The following TENM2 variants were observed in gnomAD, a reference collection of about 807,000 sequenced individuals.
TENM2 encodes teneurin-2.
A neutral mutation model predicts 245.2 loss-of-function variants in TENM2; 52 were observed. That is an observed-to-expected ratio of 0.21 (90% CI 0.17 to 0.27). The LOEUF (loss-of-function observed/expected upper bound fraction) is 0.27. Among genes scored for constraint, TENM2 ranks in the 10% least tolerant of loss-of-function variants. The probability of loss-of-function intolerance (pLI) is 1.00; values close to 1 mark genes in which losing one functional copy is unlikely to be tolerated. For missense variants in TENM2, 3,046 were observed against 3,666.8 expected (o/e 0.83, Z 4.37); for synonymous variants, 1,363 against 1,438.9 (o/e 0.95, Z 1.19).
At chr5:167,989,732 A>T (rs1562021805) in intron 4 of TENM2, among the ~76,000 whole-genome samples, 1 of 152,182 alleles carries the variant, frequency 6.6e-6, no homozygotes, top group Non-Finnish European at 1.5e-5. Context: ...GTTGGGATTC[A>T]TTAAGCTATT....
At chr5:168,062,408 T>C in intron 7 of TENM2, 143 bp downstream of exon 9, 1 of 702,458 alleles carries the variant, frequency 1.4e-6, no homozygotes. Flanking sequence ...TTTGGAGAAA[T>C]AAGAACCCTT....
intron 6 of TENM2, among the ~76,000 whole-genome samples, chr5:168,050,407 A>G (rs1017946917): frequency 1.3e-5 from 2 of 152,212 alleles, no homozygotes; most frequent in African/African-American, 4.8e-5. Context: ...AATCAATTCC[A>G]ATCGACTTCT....
intron 3 of TENM2, among the ~76,000 whole-genome samples, 174 bp downstream of exon 5, chr5:167,876,369 G>A (rs1190685271): frequency 1.3e-5 from 2 of 152,194 alleles, no homozygotes; most frequent in African/African-American, 4.8e-5. Context: ...TCTGTAGAAG[G>A]TTGAAGTTAC....
chr5:167,862,254 T>C (rs1771887531), intron 2 of TENM2, among the ~76,000 whole-genome samples: 1 of 152,128 alleles, frequency 6.6e-6, no homozygotes, highest in South Asian at 2.1e-4. Flanking sequence ...TGTGTGTGTG[T>C]GTGTGTGTGT....
intron 5 of TENM2, among the ~76,000 whole-genome samples, chr5:168,021,903 C>A (rs1786182796): frequency 6.6e-6 from 1 of 152,078 alleles, no homozygotes; most frequent in Admixed American, 6.5e-5. Context: ...AGATCTACCC[C>A]CTCCTAAGTG....
intron 2 of TENM2, among the ~76,000 whole-genome samples, chr5:167,490,153 A>G (rs1042231549): frequency 5.9e-5 from 9 of 152,138 alleles, no homozygotes; most frequent in South Asian, 4.1e-4. Context: ...CATTTTCTCA[A>G]CCACCGCAGT....
At chr5:167,284,431 C>A (rs529594408), upstream of TENM2, among the ~76,000 whole-genome samples, 1 of 152,132 alleles carries the variant, frequency 6.6e-6, no homozygotes, top group Admixed American at 6.5e-5. Flanking sequence ...AGGATAAGAT[C>A]AATTTGGCTT....
the TENM2 span, among the ~76,000 whole-genome samples, chr5:166,998,858 C>A: frequency 6.6e-6 from 1 of 151,866 alleles, no homozygotes; most frequent in African/African-American, 2.4e-5. Flanking sequence ...AATACATATG[C>A]TAGATTTGCA....
intron 1 of TENM2, chr5:167,303,198 G>A (rs1046986756): frequency 5.4e-5 from 9 of 166,564 alleles, no homozygotes; most frequent in Non-Finnish European, 8.7e-5. Flanking sequence ...TCTTTTTCAC[G>A]GAGCAAAGAG....
rs9918241 is a variant in TENM2, at chr5:168,210,519, G to A, written c.3825-1215G>A. ...ATATAAAATAGACGCGAGAATTCCC[G>A]GCTGCCACCCTGACACACCAGGCTT... On this transcript the variant is annotated intron_variant, in intron 19 of 28. Transcript: ENST00000518659. Among the ~76,000 whole-genome samples, 290 of 151,918 alleles carry A rather than the reference G, an allele frequency of 1.9e-3. 3 individuals carry two copies. The highest frequency in any genetic ancestry group is 6.8e-3 in the African/African-American group (283 of 41,426).
chr5:167,857,345 C>T (rs1028620390), intron 2 of TENM2, among the ~76,000 whole-genome samples: 1 of 152,184 alleles, frequency 6.6e-6, no homozygotes, highest in Non-Finnish European at 1.5e-5. Context: ...ATTGCTACAA[C>T]GTCCTTTACC....
chr5:168,203,845 ATCT>A lies in TENM2; in HGVS notation c.3574+18_3574+20del, dbSNP rs752731176. The A allele has an allele frequency of 7.5e-6, 12 of 1,591,126 alleles. No homozygotes were observed. Among genetic ancestry groups the A allele is most frequent in the Admixed American group, 3.4e-5 (2 of 59,442 alleles). On this transcript the variant is annotated intron_variant, in intron 18 of 28. Coordinates refer to ENST00000518659, the Ensembl canonical transcript of TENM2. ...AATGTTAAAAGTGGTACGTGAACAC[ATCT>A]TCTTTCCCAAATACAGCCTTGCCAC...
At chr5:167,690,911 G>A (rs959410033) in intron 2 of TENM2, among the ~76,000 whole-genome samples, 17 of 137,548 alleles carry the variant, frequency 1.2e-4, no homozygotes, top group African/African-American at 2.3e-4. Flanking sequence ...ATATATATCC[G>A]TATATGCGAG....
At chr5:167,352,439 T>G (rs1201299228) in intron 1 of TENM2, among the ~76,000 whole-genome samples, 2 of 152,184 alleles carry the variant, frequency 1.3e-5, no homozygotes, top group African/African-American at 4.8e-5. Flanking sequence ...AAGAATAAAT[T>G]GAGTCTTTGA....
At chr5:167,231,208 G>T in the TENM2 span, among the ~76,000 whole-genome samples, 31,715 of 152,118 alleles carry the variant, frequency 0.21, 3,881 homozygotes, top group African/African-American at 0.34. Flanking sequence ...ACTGGGACTG[G>T]AGCACTGCAG....
chr5:168,014,281 A>T (rs1271904777), intron 5 of TENM2, among the ~76,000 whole-genome samples: 1 of 152,186 alleles, frequency 6.6e-6, no homozygotes, highest in Admixed American at 6.5e-5. Context: ...TCTTACTACC[A>T]CTACATGGGA....
intron 2 of TENM2, among the ~76,000 whole-genome samples, chr5:167,678,535 A>G (rs959015262): frequency 3.3e-5 from 5 of 152,128 alleles, no homozygotes; most frequent in Non-Finnish European, 7.4e-5. Flanking sequence ...CTTGTTACTT[A>G]AAAGTCCAGT....
the TENM2 span, among the ~76,000 whole-genome samples, chr5:167,200,052 A>T: frequency 6.6e-6 from 1 of 152,098 alleles, no homozygotes; most frequent in Non-Finnish European, 1.5e-5. Flanking sequence ...CCCATTTTCC[A>T]CACCACCCAC....
chr5:167,149,233 A>G, the TENM2 span, among the ~76,000 whole-genome samples: 1 of 150,800 alleles, frequency 6.6e-6, no homozygotes, highest in Non-Finnish European at 1.5e-5. Context: ...TTCTCCCCTG[A>G]TAGATTGCAA....
Sources: allele counts gnomAD v4.1 joint callset (sites outside exome capture counted in the v4.1 genomes callset), GRCh38; gene constraint gnomAD v4.1.1; transcripts MANE v1.5; gene names NCBI Gene and HGNC (gene_info 2026-07-23, HGNC 2026-07-21).